TBX5: variants seen among roughly 807,000 people sequenced by gnomAD.
TBX5 encodes T-box transcription factor TBX5.
TBX5 carries 8 observed loss-of-function variants against 51.1 expected under a neutral mutation model. The observed-to-expected ratio is 0.16, with a 90% CI of 0.09 to 0.28. The LOEUF is 0.28. TBX5 is among the 10% of genes least tolerant of loss of function. The pLI, the probability that TBX5 is intolerant of heterozygous loss-of-function variation, is 1.00. For synonymous variants in TBX5, 302 were observed against 266.4 expected (o/e 1.13, Z -1.30); for missense variants, 589 against 671.7 (o/e 0.88, Z 1.36).
At chr12:114,370,284 A>C (rs1869801656) in intron 7 of TBX5, among the ~76,000 whole-genome samples, 7 of 45,408 alleles carry the variant, frequency 1.5e-4, no homozygotes, top group Non-Finnish European at 2.0e-4. Context: ...AAAAGAAAAG[A>C]AAAGAAAGAA....
chr12:114,359,123 C>T (rs1230140538), intron 8 of TBX5, among the ~76,000 whole-genome samples: 1 of 152,172 alleles, frequency 6.6e-6, no homozygotes, highest in Non-Finnish European at 1.5e-5. Context: ...GGCCGGAACA[C>T]ATTTTGGAAA....
rs1349202904 is a variant in TBX5, at chr12:114,406,046, G to T, written c.-457C>A. 1 of 984,858 alleles carries T rather than the reference G, an allele frequency of 1.0e-6. No homozygotes were observed. Among genetic ancestry groups the T allele is most frequent in the Non-Finnish European group, 1.2e-6 (1 of 829,696 alleles). The allele number at this position is 984,858 out of a possible 1,614,324, so 61.0% of individuals were successfully genotyped here. A position where few individuals can be genotyped will look rare whatever the true frequency, so the allele number is the denominator to read the frequency against. On this transcript the variant is annotated 5_prime_UTR_variant, in exon 1 of 9. The change creates a new upstream start codon in the 5' untranslated region. Coordinates refer to ENST00000405440, the MANE Select transcript of TBX5 (RefSeq NM_181486.4). The stretch of plus-strand genomic sequence containing the variant: ...GTTCCCGGATTCGAGGTAAGAGTCA[G>T]TCTCTCTCACTCTCTCTCCCTCTCT...
At chr12:114,369,247 T>C (rs1485399787) in intron 7 of TBX5, among the ~76,000 whole-genome samples, 1 of 152,180 alleles carries the variant, frequency 6.6e-6, no homozygotes, top group African/African-American at 2.4e-5. Context: ...AGAGAATGTA[T>C]CAATGGACTC....
intron 7 of TBX5, among the ~76,000 whole-genome samples, chr12:114,374,797 T>G (rs550947962): frequency 2.0e-5 from 3 of 152,312 alleles, no homozygotes; most frequent in African/African-American, 7.2e-5. Context: ...GAGTCCTAGT[T>G]AATGATGTGC....
At chr12:114,400,437 T>C (rs1036434730) in intron 3 of TBX5, among the ~76,000 whole-genome samples, 1 of 152,248 alleles carries the variant, frequency 6.6e-6, no homozygotes, top group African/African-American at 2.4e-5. Flanking sequence ...TTCTGCGCCC[T>C]GGCGCACTCC....
intron 6 of TBX5, among the ~76,000 whole-genome samples, chr12:114,390,684 T>C (rs906857775): frequency 9.9e-5 from 15 of 152,198 alleles, no homozygotes; most frequent in Admixed American, 5.9e-4. Flanking sequence ...AGGAGGAAAA[T>C]GCCTTTTAAT....
At position 114,355,959 on chromosome 12, in the gene TBX5, G is replaced by A. The variant is rs1284653222; in HGVS notation, c.1130C>T (p.Ala377Val). Reference sequence around the variant, plus strand: ...GGGCGCAGAGCTGGCATACATGCAAGCTTGCCGCTGTGCCGACTCTGTCCT... The same window carrying A: ...GGGCGCAGAGCTGGCATACATGCAAACTTGCCGCTGTGCCGACTCTGTCCT... ...SYRTESAQRQ[A>V]CMYASSAPPS... Residue 377 changes from alanine (A) to valine (V), a missense_variant, in exon 9 of 9, where the codon GCT becomes GTT. Physicochemically the swap from Ala to Val is moderately conservative, Grantham distance 64 (BLOSUM62 0). Transcript: ENST00000405440. 6.2e-7 allele frequency: 1 copy of A among 1,613,920 alleles called. No homozygotes were observed.
At chr12:114,372,557 C>T (rs1869969984) in intron 7 of TBX5, among the ~76,000 whole-genome samples, 1 of 151,786 alleles carries the variant, frequency 6.6e-6, no homozygotes, top group South Asian at 2.1e-4. Flanking sequence ...ATCCTCCCCT[C>T]TGCCTCCCAA....
intron 7 of TBX5, among the ~76,000 whole-genome samples, chr12:114,366,695 A>T (rs1565928004): frequency 6.6e-6 from 1 of 152,188 alleles, no homozygotes; most frequent in Non-Finnish European, 1.5e-5. Flanking sequence ...ATAAACACAC[A>T]TGGTATTTTG....
intron 3 of TBX5, 44 bp from the exon 4 acceptor site, chr12:114,399,676 G>A: frequency 6.2e-7 from 1 of 1,613,850 alleles, no homozygotes; most frequent in Non-Finnish European, 8.5e-7. Context: ...GGGAATTAAT[G>A]CCAGTATTTT....
intron 5 of TBX5, among the ~76,000 whole-genome samples, chr12:114,395,656 A>G (rs1054305157): frequency 2.2e-4 from 33 of 152,104 alleles, no homozygotes; most frequent in African/African-American, 7.5e-4. Context: ...CAGGATCCAC[A>G]ACCAGAATTA....
chr12:114,382,012 C>A (rs1870531203), intron 7 of TBX5, among the ~76,000 whole-genome samples: 1 of 152,220 alleles, frequency 6.6e-6, no homozygotes, highest in African/African-American at 2.4e-5. Flanking sequence ...ATCAAGGACA[C>A]CTAGTCCAGG....
intron 2 of TBX5, 68 bp from the exon 3 acceptor site, chr12:114,401,988 C>T (rs983856044): frequency 2.2e-6 from 3 of 1,368,986 alleles, no homozygotes; most frequent in African/African-American, 2.9e-5. Flanking sequence ...CCCCAAACTC[C>T]CCCAAAACAC....
chr12:114,378,197 T>G (rs1286570461), intron 7 of TBX5, among the ~76,000 whole-genome samples: 1 of 152,196 alleles, frequency 6.6e-6, no homozygotes, highest in Non-Finnish European at 1.5e-5. Context: ...CCATAAATAC[T>G]TCTTATGGTG....
chr12:114,403,850 G>A lies in TBX5; in HGVS notation c.49C>T (p.Pro17Ser). The change falls in exon 2 of 9, where the codon CCT becomes TCT. Residue 17 changes from proline (P) to serine (S), a missense_variant. Pro to Ser is a moderately conservative substitution (Grantham distance 74, BLOSUM62 -1). Transcript: ENST00000405440. ...TCGCAGGGCAGGTCTTTTGCGTCAG[G>A]CTCCAGAGGCGTGTGCGCCAGGCCA... ...GFGLAHTPLE[P>S]DAKDLPCDSK... The A allele has an allele frequency of 3.7e-6, 6 of 1,613,944 alleles. No homozygotes were observed. The highest frequency in any genetic ancestry group is 5.1e-6 in the Non-Finnish European group (6 of 1,180,002).
chr12:114,367,093 G>C (rs3825215), intron 7 of TBX5, among the ~76,000 whole-genome samples: 106,775 of 151,818 alleles, frequency 0.7, 38,007 homozygotes, highest in East Asian at 0.78. Context: ...ACATGGCACA[G>C]AGTAAATGCT....
In TBX5 at chr12:114,355,162, C is replaced by T. The variant is rs1045910656; in HGVS notation, c.*370G>A. The T allele has an allele frequency of 3.8e-5, 14 of 365,122 alleles. No individual in the cohort carries two copies. Among genetic ancestry groups the T allele is most frequent in the Admixed American group, 7.4e-5 (2 of 26,910 alleles). 22.6% of individuals were successfully genotyped at this position (365,122 alleles called of 1,614,324 possible). On this transcript the variant is annotated 3_prime_UTR_variant, in exon 9 of 9. Transcript: ENST00000405440. ...CCAAGACAGGGACAGACTCCAACTA[C>T]GCACTAGGGAAAAACACTCAATGAG...
intron 6 of TBX5, 69 bp from the exon 7 acceptor site, chr12:114,385,636 A>G: frequency 2.3e-6 from 3 of 1,284,404 alleles, no homozygotes; most frequent in African/African-American, 2.9e-5. Flanking sequence ...TCAGGACATG[A>G]GCTAATAATA....
intron 7 of TBX5, among the ~76,000 whole-genome samples, chr12:114,375,681 T>G (rs1399142332): frequency 6.6e-6 from 1 of 152,162 alleles, no homozygotes; most frequent in Admixed American, 6.5e-5. Context: ...CCTTGCACAC[T>G]GCTGGTGGGA....
Sources: gnomAD v4.1 joint callset for allele counts (sites outside exome capture counted in the v4.1 genomes callset) on GRCh38, gnomAD v4.1.1 for gene constraint, MANE v1.5 for transcripts, NCBI Gene and HGNC (gene_info 2026-07-23, HGNC 2026-07-21) for gene names.